EVA1A: variants seen among roughly 807,000 people sequenced by gnomAD.
EVA1A encodes eva-1 homolog A, regulator of programmed cell death.
A neutral mutation model predicts 9.8 loss-of-function variants in EVA1A; 7 were observed. The observed-to-expected ratio is 0.71, with a 90% CI of 0.41 to 1.34. The LOEUF (loss-of-function observed/expected upper bound fraction) is 1.34. EVA1A is among the 40% of genes most tolerant of loss of function. EVA1A has a pLI of 0.01. For missense variants in EVA1A, 206 were observed against 205.9 expected (o/e 1.00, Z 0.00); for synonymous variants, 90 against 85.6 (o/e 1.05, Z -0.28).
intron 2 of EVA1A, among the ~76,000 whole-genome samples, chr2:75,521,398 G>A (rs1675225340): frequency 6.6e-6 from 1 of 152,216 alleles, no homozygotes; most frequent in Admixed American, 6.5e-5. Context: ...GTTCAGAGCT[G>A]CATTATTCAC....
chr2:75,496,206 A>T (rs1482610263), intron 3 of EVA1A, among the ~76,000 whole-genome samples: 1 of 152,240 alleles, frequency 6.6e-6, no homozygotes, highest in Non-Finnish European at 1.5e-5. Context: ...AGAGAAAAAA[A>T]ACAAAAGGCA....
chr2:75,522,166 C>T (rs528659169), intron 2 of EVA1A, among the ~76,000 whole-genome samples, 199 bp downstream of exon 2: 1 of 152,076 alleles, frequency 6.6e-6, no homozygotes, highest in South Asian at 2.1e-4. Context: ...ATAAAAAATT[C>T]ATGATTTAAG....
At chr2:75,501,170 C>T (rs1476879985) in intron 3 of EVA1A, among the ~76,000 whole-genome samples, 1 of 152,100 alleles carries the variant, frequency 6.6e-6, no homozygotes, top group African/African-American at 2.4e-5. Context: ...CACAAACACA[C>T]CCTCCTCTTC....
Position 75,492,575 on chromosome 2 carries a change from C to T in EVA1A, c.*661G>A, listed in dbSNP as rs1240663153. 1 of 152,140 alleles carries T rather than the reference C, an allele frequency of 6.6e-6. No individual in the cohort carries two copies. The highest frequency in any genetic ancestry group is 1.5e-5 in the Non-Finnish European group (1 of 67,952). The allele number at this position is 152,140 out of a possible 1,614,324, so 9.4% of individuals were successfully genotyped here. A position where few individuals can be genotyped will look rare whatever the true frequency, so the allele number is the denominator to read the frequency against. ...TTTATAAACTATTTAAAATAAAAAC[C>T]CTTCATCCTTTGAGGTTATTGACAT... is the stretch of plus-strand genomic sequence containing the variant. On this transcript the variant is annotated 3_prime_UTR_variant, in exon 4 of 4. Coordinates refer to ENST00000393913, the MANE Select transcript of EVA1A (RefSeq NM_001135032.2).
intron 1 of EVA1A, among the ~76,000 whole-genome samples, chr2:75,556,979 G>A (rs962531058): frequency 2.0e-5 from 3 of 152,158 alleles, no homozygotes; most frequent in Non-Finnish European, 2.9e-5. Flanking sequence ...CAATGGATAG[G>A]AGAGTTCTCA....
chr2:75,551,515 G>A (rs1676523998), intron 1 of EVA1A, among the ~76,000 whole-genome samples: 1 of 152,106 alleles, frequency 6.6e-6, no homozygotes, highest in South Asian at 2.1e-4. Flanking sequence ...CCCCTTCCCT[G>A]TTGACTTCAC....
At chr2:75,517,835 C>T in intron 3 of EVA1A, 3 of 729,874 alleles carry the variant, frequency 4.1e-6, no homozygotes, top group South Asian at 2.9e-5. Flanking sequence ...ACATTTTCTG[C>T]AAGACAAAGC....
At chr2:75,550,490 A>G (rs748922946) in intron 1 of EVA1A, among the ~76,000 whole-genome samples, 1 of 152,162 alleles carries the variant, frequency 6.6e-6, no homozygotes, top group African/African-American at 2.4e-5. Flanking sequence ...CCAATTCCCC[A>G]TGCCTGAAGT....
intron 1 of EVA1A, among the ~76,000 whole-genome samples, chr2:75,556,837 C>A (rs1676726887): frequency 6.6e-6 from 1 of 152,112 alleles, no homozygotes; most frequent in Non-Finnish European, 1.5e-5. Context: ...GGTTCATGCT[C>A]CTATGAGAAT....
intron 3 of EVA1A, among the ~76,000 whole-genome samples, chr2:75,510,007 A>T (rs796358468): frequency 6.6e-6 from 1 of 152,182 alleles, no homozygotes; most frequent in African/African-American, 2.4e-5. Context: ...TGACAGGTCT[A>T]TTATACTTTT....
chr2:75,498,584 G>A (rs1311762448), intron 3 of EVA1A, among the ~76,000 whole-genome samples: 2 of 152,142 alleles, frequency 1.3e-5, no homozygotes, highest in African/African-American at 2.4e-5. Context: ...ATTCAAAACA[G>A]CTGTATATAA....
upstream of EVA1A, among the ~76,000 whole-genome samples, chr2:75,563,765 G>A (rs898091257): frequency 4.6e-5 from 7 of 152,106 alleles, no homozygotes; most frequent in Non-Finnish European, 8.8e-5. Context: ...AGTCCCATTC[G>A]CTTGTTATGG....
At chr2:75,549,420 C>T (rs1338416384) in intron 1 of EVA1A, among the ~76,000 whole-genome samples, 3 of 152,152 alleles carry the variant, frequency 2.0e-5, no homozygotes, top group Non-Finnish European at 4.4e-5. Flanking sequence ...ACACCTGCAG[C>T]TTCTTCCCTC....
intron 3 of EVA1A, among the ~76,000 whole-genome samples, chr2:75,499,548 C>T (rs1674335503): frequency 6.6e-6 from 1 of 152,192 alleles, no homozygotes; most frequent in South Asian, 2.1e-4. Context: ...ATGGGTTCTG[C>T]TGTTTATCAA....
chr2:75,541,230 G>A (rs770585655), intron 1 of EVA1A, among the ~76,000 whole-genome samples: 2 of 152,182 alleles, frequency 1.3e-5, no homozygotes, highest in African/African-American at 4.8e-5. Context: ...CTTGGCTGAT[G>A]CAACAGATAG....
intron 1 of EVA1A, among the ~76,000 whole-genome samples, chr2:75,524,882 C>G (rs1675366120): frequency 6.6e-6 from 1 of 152,014 alleles, no homozygotes; most frequent in African/African-American, 2.4e-5. Context: ...CTCCATCTCT[C>G]TATATAAATA....
chr2:75,567,128 C>T (rs528522356), intron 1 of EVA1A, among the ~76,000 whole-genome samples: 57 of 151,584 alleles, frequency 3.8e-4, no homozygotes, highest in South Asian at 8.4e-4. Context: ...ATACATGGGC[C>T]GCAAAAAGTT....
At chr2:75,563,007 A>G (rs577693532), upstream of EVA1A, among the ~76,000 whole-genome samples, 505 of 152,328 alleles carry the variant, frequency 3.3e-3, 2 homozygotes, top group African/African-American at 0.012. Flanking sequence ...TGGAGAAAGG[A>G]CACCTGGAAG....
chr2:75,557,719 T>C (rs1676764739), intron 1 of EVA1A, among the ~76,000 whole-genome samples: 1 of 152,234 alleles, frequency 6.6e-6, no homozygotes, highest in African/African-American at 2.4e-5. Context: ...GCCCTGACTA[T>C]GTACATAGGC....
Sources: gnomAD v4.1 joint callset for allele counts (sites outside exome capture counted in the v4.1 genomes callset) on GRCh38, gnomAD v4.1.1 for gene constraint, MANE v1.5 for transcripts, NCBI Gene and HGNC (gene_info 2026-07-23, HGNC 2026-07-21) for gene names.